SNTG1: variants seen among roughly 807,000 people sequenced by gnomAD.
SNTG1 encodes gamma-1-syntrophin.
SNTG1 carries 39 observed loss-of-function variants against 74.7 expected under a neutral mutation model. The ratio of observed to expected loss-of-function variants is 0.52; its 90% CI spans 0.40 to 0.68. SNTG1 has a LOEUF of 0.68. Ranked by LOEUF, SNTG1 falls within the 30% of genes least tolerant of loss-of-function variation. The pLI is 0.00. For missense variants in SNTG1, 685 were observed against 609.5 expected (o/e 1.12, Z -1.30); for synonymous variants, 254 against 217.1 (o/e 1.17, Z -1.49).
intron 8 of SNTG1, among the ~76,000 whole-genome samples, chr8:50,497,605 T>C (rs2093915737): frequency 6.6e-6 from 1 of 152,028 alleles, no homozygotes; most frequent in Non-Finnish European, 1.5e-5. Flanking sequence ...TTCAATGAGA[T>C]TGTCCTAAAT....
At chr8:50,391,665 C>A (rs1012513076) in intron 2 of SNTG1, among the ~76,000 whole-genome samples, 3 of 152,056 alleles carry the variant, frequency 2.0e-5, no homozygotes, top group African/African-American at 7.2e-5. Flanking sequence ...CCTCTTTGTA[C>A]CTCTGGTAGA....
chr8:50,139,628 T>C (rs1408360213), intron 1 of SNTG1, among the ~76,000 whole-genome samples: 1 of 152,204 alleles, frequency 6.6e-6, no homozygotes, highest in Non-Finnish European at 1.5e-5. Context: ...CATCATTTGA[T>C]GTGTTATAGT....
At chr8:50,787,372 T>C (rs896222562) in intron 18 of SNTG1, among the ~76,000 whole-genome samples, 7 of 151,834 alleles carry the variant, frequency 4.6e-5, no homozygotes, top group South Asian at 4.1e-4. Flanking sequence ...TGTAGAGAAA[T>C]TGGAGCACTC....
chr8:49,962,109 T>TG (rs1321030772), intron 1 of SNTG1, among the ~76,000 whole-genome samples: 1 of 152,044 alleles, frequency 6.6e-6, no homozygotes, highest in Non-Finnish European at 1.5e-5. Context: ...CAAAGCCCTG[T>TG]GGAAGGCAGC....
intron 2 of SNTG1, among the ~76,000 whole-genome samples, chr8:50,217,417 C>T (rs1489266231): frequency 6.6e-6 from 1 of 151,988 alleles, no homozygotes; most frequent in Non-Finnish European, 1.5e-5. Context: ...ACTCTATTTC[C>T]TGACCTTTGC....
intron 2 of SNTG1, among the ~76,000 whole-genome samples, chr8:50,239,632 C>G (rs984312293): frequency 1.1e-4 from 16 of 152,182 alleles, no homozygotes; most frequent in Admixed American, 1.0e-3. Flanking sequence ...CCCTGCTCCA[C>G]TTTCTCCTGG....
intron 18 of SNTG1, among the ~76,000 whole-genome samples, chr8:50,766,459 A>AT (rs1238589676): frequency 6.6e-6 from 1 of 151,962 alleles, no homozygotes; most frequent in African/African-American, 2.4e-5. Context: ...CTTAATAGCT[A>AT]TTTGCGTGTA....
chr8:50,289,959 G>A (rs16914639), intron 2 of SNTG1, among the ~76,000 whole-genome samples: 10,516 of 152,204 alleles, frequency 0.069, 406 homozygotes, highest in African/African-American at 0.085. Context: ...ATTTGATTGG[G>A]CATCTGTTGA....
chr8:50,453,954 G>A (rs117027116), intron 8 of SNTG1, among the ~76,000 whole-genome samples: 2,856 of 152,286 alleles, frequency 0.019, 50 homozygotes, highest in South Asian at 0.072. Context: ...TGTGAAAAAT[G>A]GGGATTCCTT....
intron 2 of SNTG1, among the ~76,000 whole-genome samples, chr8:50,189,279 A>T (rs1586635661): frequency 6.6e-6 from 1 of 151,196 alleles, no homozygotes; most frequent in Admixed American, 6.6e-5. Flanking sequence ...GTCATTGTTT[A>T]TTTTTTTTTC....
chr8:50,268,365 T>C lies in SNTG1; in HGVS notation c.-28+95730T>C, dbSNP rs142797765. 1.4e-3 allele frequency among the ~76,000 whole-genome samples: 206 copies of C among 152,306 alleles called. 1 individual carries two copies. The highest frequency in any genetic ancestry group is 4.7e-3 in the African/African-American group (196 of 41,570). ...TTCTCAAATTAATCTATAGATTTAA[T>C]ATCCATCAACATCTAGCAAGTTTTT... On this transcript the variant is annotated intron_variant, in intron 2 of 18. Transcript: ENST00000642720.
chr8:49,981,627 A>C (rs1259169877), intron 1 of SNTG1, among the ~76,000 whole-genome samples: 1 of 152,234 alleles, frequency 6.6e-6, no homozygotes, highest in East Asian at 1.9e-4. Flanking sequence ...AAATATGGCT[A>C]TCATTACATC....
chr8:50,419,282 C>CA (rs753324671), intron 4 of SNTG1, among the ~76,000 whole-genome samples: 1 of 152,150 alleles, frequency 6.6e-6, no homozygotes, highest in African/African-American at 2.4e-5. Flanking sequence ...CACACACACA[C>CA]AAAAGTGCCC....
chr8:50,181,929 G>C (rs1392885567), intron 2 of SNTG1, among the ~76,000 whole-genome samples: 1 of 152,082 alleles, frequency 6.6e-6, no homozygotes, highest in African/African-American at 2.4e-5. Flanking sequence ...AATTGACCAA[G>C]CAAAGAAACA....
At chr8:50,091,055 TC>T (rs1222043257) in intron 1 of SNTG1, among the ~76,000 whole-genome samples, 2 of 152,098 alleles carry the variant, frequency 1.3e-5, no homozygotes, top group Non-Finnish European at 2.9e-5. Flanking sequence ...ATTCTTACTT[TC>T]CCATGAATAG....
intron 13 of SNTG1, among the ~76,000 whole-genome samples, chr8:50,625,363 A>G (rs2094949646): frequency 6.6e-6 from 1 of 152,224 alleles, no homozygotes; most frequent in African/African-American, 2.4e-5. Flanking sequence ...ACTGTATTTA[A>G]TGAACGTTGT....
intron 4 of SNTG1, among the ~76,000 whole-genome samples, chr8:50,417,153 T>C (rs2093024647): frequency 6.6e-6 from 1 of 152,168 alleles, no homozygotes; most frequent in African/African-American, 2.4e-5. Context: ...TGAACCGCCA[T>C]GATATACACT....
intron 9 of SNTG1, among the ~76,000 whole-genome samples, chr8:50,521,301 G>A (rs977952759): frequency 1.3e-5 from 2 of 152,150 alleles, no homozygotes; most frequent in African/African-American, 2.4e-5. Context: ...ATAGCATTAG[G>A]AGAAATGCCT....
At chr8:50,259,508 A>AAAAAAGAAAG (rs1554621879) in intron 2 of SNTG1, among the ~76,000 whole-genome samples, 25 of 15,764 alleles carry the variant, frequency 1.6e-3, no homozygotes, top group Admixed American at 3.1e-3. Context: ...CAAAAAAAAA[A>AAAAAAGAAAG]AAAGAAAGAA....
Sources: allele counts gnomAD v4.1 joint callset (sites outside exome capture counted in the v4.1 genomes callset), GRCh38; gene constraint gnomAD v4.1.1; transcripts MANE v1.5; gene names NCBI Gene and HGNC (gene_info 2026-07-23, HGNC 2026-07-21).